Variants in HECW2 observed in about 807,000 individuals in gnomAD.
HECW2 encodes HECT, C2 and WW domain containing E3 ubiquitin protein ligase 2.
In HECW2, 61 loss-of-function variants were observed where a neutral mutation model predicts 175.2. The ratio of observed to expected loss-of-function variants is 0.35; its 90% CI spans 0.28 to 0.43. The LOEUF (loss-of-function observed/expected upper bound fraction) is 0.43, where lower values mean the gene tolerates loss of function less well. HECW2 is among the 20% of genes least tolerant of loss of function. HECW2 has a pLI of 1.00. For missense variants in HECW2, 1,524 were observed against 2,000.5 expected, an observed-to-expected ratio of 0.76 and a Z score of 4.54; for synonymous variants, 671 against 731.0, an observed-to-expected ratio of 0.92 and a Z score of 1.32.
intron 2 of HECW2, among the ~76,000 whole-genome samples, chr2:196,380,754 T>G (rs1694186404): frequency 6.6e-6 from 1 of 152,196 alleles, no homozygotes; most frequent in South Asian, 2.1e-4. Context: ...TTTTCATGAC[T>G]ACCATGGTTG....
chr2:196,259,386 T>C (rs1689192661), intron 17 of HECW2, among the ~76,000 whole-genome samples: 4 of 152,210 alleles, frequency 2.6e-5, no homozygotes, highest in Admixed American at 6.5e-5. Context: ...AAAAATTCCC[T>C]AATGCATAGA....
intron 7 of HECW2, among the ~76,000 whole-genome samples, chr2:196,321,018 C>T (rs755472851): frequency 1.1e-4 from 17 of 152,228 alleles, no homozygotes; most frequent in South Asian, 4.1e-4. Context: ...AAGACAGCAG[C>T]CCTGGCTGTG....
intron 1 of HECW2, among the ~76,000 whole-genome samples, chr2:196,579,581 C>CTA (rs1177036633): frequency 6.6e-6 from 1 of 151,836 alleles, no homozygotes; most frequent in Non-Finnish European, 1.5e-5. Context: ...ATATATATAC[C>CTA]ATGTGTTATG....
At chr2:196,350,359 C>T (rs1472968869) in intron 2 of HECW2, among the ~76,000 whole-genome samples, 4 of 152,042 alleles carry the variant, frequency 2.6e-5, no homozygotes, top group South Asian at 2.1e-4. Flanking sequence ...GGCGAGACTC[C>T]GTCTTAAAAA....
At chr2:196,469,855 T>C (rs1363752588) in intron 1 of HECW2, among the ~76,000 whole-genome samples, 1 of 151,994 alleles carries the variant, frequency 6.6e-6, no homozygotes, top group East Asian at 1.9e-4. Flanking sequence ...TTGGAGGTCA[T>C]AAAAGTAAAA....
chr2:196,369,060 A>T (rs1466630782), intron 2 of HECW2, among the ~76,000 whole-genome samples: 2 of 151,982 alleles, frequency 1.3e-5, no homozygotes, highest in Non-Finnish European at 2.9e-5. Context: ...CTGGGCTTTG[A>T]AGAGTTAGGT....
At position 196,319,715 on chromosome 2, in the gene HECW2, A is replaced by T; in HGVS notation, c.1175T>A (p.Leu392Gln). The T allele has an allele frequency of 6.2e-7, 1 of 1,614,208 alleles. No homozygotes were observed. Among genetic ancestry groups the T allele is most frequent in the South Asian group, 1.1e-5 (1 of 91,088 alleles). The change falls in exon 9 of 29, where the codon CTG (leucine) becomes CAG (glutamine). Residue 392 changes from leucine (L) to glutamine (Q), a missense_variant. This residue lies in a region of HECW2 where 604 missense variants were observed against 588.3 expected (regional missense o/e 1.03). Transcript: ENST00000644978. ...GGTTAATTCCTCTGTGTCTATTTCC[A>T]GAGTGGAGCTAGTCCTGAATGAATG... The part of the protein sequence containing the change: ...PKHSFRTSST[L>Q]EIDTEELTST...
At chr2:196,496,427 A>G (rs1168771851) in intron 1 of HECW2, among the ~76,000 whole-genome samples, 1 of 152,146 alleles carries the variant, frequency 6.6e-6, no homozygotes, top group South Asian at 2.1e-4. Context: ...TATATAGTAC[A>G]TATATTTATA....
At chr2:196,431,181 C>G (rs1695701976) in intron 2 of HECW2, among the ~76,000 whole-genome samples, 1 of 152,208 alleles carries the variant, frequency 6.6e-6, no homozygotes, top group Non-Finnish European at 1.5e-5. Flanking sequence ...ATTCTGCTTT[C>G]CTAGTGACAA....
chr2:196,310,596 A>G (rs1691457030), intron 10 of HECW2, among the ~76,000 whole-genome samples: 1 of 152,226 alleles, frequency 6.6e-6, no homozygotes, highest in Admixed American at 6.5e-5. Flanking sequence ...TTTTTGGTAT[A>G]AGAAAGCATA....
At chr2:196,504,826 T>TG (rs1687698673) in intron 1 of HECW2, among the ~76,000 whole-genome samples, 1 of 152,126 alleles carries the variant, frequency 6.6e-6, no homozygotes, top group Admixed American at 6.5e-5. Context: ...TTACATAGAT[T>TG]ATCTCATTTA....
chr2:196,230,893 G>A (rs569554730), intron 21 of HECW2, among the ~76,000 whole-genome samples: 5 of 152,136 alleles, frequency 3.3e-5, no homozygotes, highest in East Asian at 3.9e-4. Context: ...CACGAGGTCA[G>A]GAGATTGAGA....
intron 18 of HECW2, among the ~76,000 whole-genome samples, chr2:196,257,517 G>A (rs79033336): frequency 0.027 from 4,149 of 152,048 alleles, 140 homozygotes; most frequent in East Asian, 0.16. Flanking sequence ...TGGATGCCTT[G>A]TTCAGATACC....
At chr2:196,284,172 C>A (rs983740423) in intron 14 of HECW2, among the ~76,000 whole-genome samples, 2 of 152,180 alleles carry the variant, frequency 1.3e-5, no homozygotes, top group Non-Finnish European at 2.9e-5. Flanking sequence ...TGCTTGGCCT[C>A]ACCAGTTTCA....
chr2:196,516,242 T>C (rs553005968), intron 1 of HECW2, among the ~76,000 whole-genome samples: 38 of 152,296 alleles, frequency 2.5e-4, no homozygotes, highest in African/African-American at 8.7e-4. Context: ...AGCAAGCTCA[T>C]TTGTAGCATG....
rs762696062 is a variant in HECW2, at chr2:196,319,161, T to A, written c.1729A>T (p.Thr577Ser). Residue 577 changes from threonine (T) to serine (S), a missense_variant, in exon 9 of 29, where the codon ACA becomes TCA. Thr to Ser is a moderately conservative substitution (Grantham distance 58, BLOSUM62 1). Transcript: ENST00000644978. Reference sequence around the variant, plus strand: ...GAAGTCCCTGTGTCTGCGCCACTTGTGGGCTGATCTACCTCTTGAGAGCCA... The same window carrying A: ...GAAGTCCCTGTGTCTGCGCCACTTGAGGGCTGATCTACCTCTTGAGAGCCA... Reference protein sequence around the residue: ...LCGSQEVDQPTSGADTGTSDA... With the variant: ...LCGSQEVDQPSSGADTGTSDA... 2 of 1,595,070 alleles carry A rather than the reference T, an allele frequency of 1.3e-6. No homozygotes were observed. The highest frequency in any genetic ancestry group is 8.5e-7 in the Non-Finnish European group (1 of 1,169,696).
chr2:196,384,258 C>A (rs756561246), intron 2 of HECW2, among the ~76,000 whole-genome samples: 6 of 152,068 alleles, frequency 3.9e-5, no homozygotes, highest in Non-Finnish European at 8.8e-5. Context: ...ATGATTAAGG[C>A]TTGATCCCAG....
intron 5 of HECW2, 68 bp downstream of exon 5, chr2:196,329,507 A>C: frequency 4.7e-6 from 6 of 1,273,818 alleles, no homozygotes; most frequent in Non-Finnish European, 6.9e-6. Context: ...CTGCAGAAAG[A>C]AGTGACTATT....
At position 196,433,394 on chromosome 2, in the gene HECW2, A is replaced by G; in HGVS notation, c.30T>C (p.Leu10=). MASSAREHL[L]FVRRRNPQMR... ...TCTGGGGATTTCGACGCCTCACAAA[A>G]AGCAGGTGCTCCCGGGCTGAACTAG... The change falls in exon 2 of 29, where the codon CTT becomes CTC. Residue 10 remains leucine (L), a synonymous_variant. Transcript: ENST00000644978. The G allele has an allele frequency of 6.2e-7, 1 of 1,613,966 alleles. No individual in the cohort carries two copies. Among genetic ancestry groups the G allele is most frequent in the Non-Finnish European group, 8.5e-7 (1 of 1,179,928 alleles).
Sources: gnomAD v4.1 joint callset for allele counts (sites outside exome capture counted in the v4.1 genomes callset) on GRCh38, gnomAD v4.1.1 for gene constraint, gnomAD v4.1.1 regional missense constraint, MANE v1.5 for transcripts, NCBI Gene and HGNC (gene_info 2026-07-23, HGNC 2026-07-21) for gene names.